ATXN1: variants seen among roughly 807,000 people sequenced by gnomAD.
The protein encoded by ATXN1 is ataxin-1.
A neutral mutation model predicts 56.4 loss-of-function variants in ATXN1; 8 were observed. That is an observed-to-expected ratio of 0.14 (90% CI 0.08 to 0.26). The LOEUF is 0.26. Among genes scored for constraint, ATXN1 ranks in the 10% least tolerant of loss-of-function variants. The probability of loss-of-function intolerance (pLI) is 1.00; values close to 1 mark genes in which losing one functional copy is unlikely to be tolerated. For synonymous variants in ATXN1, 514 were observed against 494.6 expected (o/e 1.04, Z -0.52); for missense variants, 987 against 1,106.5 (o/e 0.89, Z 1.53).
At chr6:16,661,115 A>C (rs1758311275) in intron 2 of ATXN1, among the ~76,000 whole-genome samples, 1 of 151,850 alleles carries the variant, frequency 6.6e-6, no homozygotes, top group South Asian at 2.1e-4. Context: ...GGGATTACAG[A>C]TGTGAGCCAC....
At chr6:16,462,102 C>A (rs970639604) in intron 6 of ATXN1, among the ~76,000 whole-genome samples, 1 of 152,210 alleles carries the variant, frequency 6.6e-6, no homozygotes, top group Non-Finnish European at 1.5e-5. Flanking sequence ...GACAAGGGAA[C>A]AGAGTTGTTC....
chr6:16,315,045 C>T lies in ATXN1; in HGVS notation c.1918-8186G>A, dbSNP rs186122670. Among the ~76,000 whole-genome samples, 325 of 152,286 alleles carry T rather than the reference C, an allele frequency of 2.1e-3. 2 individuals are homozygous for T. Among genetic ancestry groups the T allele is most frequent in the Middle Eastern group, 6.8e-3 (2 of 294 alleles). On this transcript the variant is annotated intron_variant, in intron 7 of 7. Transcript: ENST00000436367. ...GTATCTATTGGTTAAGACCTAGTTT[C>T]TTGCCTCCCACCAGGAGACAGAACA...
At chr6:16,562,140 G>A (rs188186620) in intron 4 of ATXN1, among the ~76,000 whole-genome samples, 7 of 152,158 alleles carry the variant, frequency 4.6e-5, no homozygotes, top group South Asian at 2.1e-4. Flanking sequence ...TTGGGAGGCC[G>A]AGGCAGGCGG....
At chr6:16,564,103 C>A (rs1762169887) in intron 4 of ATXN1, among the ~76,000 whole-genome samples, 1 of 152,192 alleles carries the variant, frequency 6.6e-6, no homozygotes, top group African/African-American at 2.4e-5. Flanking sequence ...GCTTAGCAGC[C>A]TCTCTAAACC....
At chr6:16,544,569 G>T (rs116165474) in intron 4 of ATXN1, among the ~76,000 whole-genome samples, 1 of 152,236 alleles carries the variant, frequency 6.6e-6, no homozygotes, top group Middle Eastern at 3.4e-3. Context: ...GGGATGCTGT[G>T]GGGTGCTTGC....
chr6:16,360,981 G>C (rs1297037336), intron 6 of ATXN1, among the ~76,000 whole-genome samples: 2 of 152,214 alleles, frequency 1.3e-5, no homozygotes, highest in Admixed American at 1.3e-4. Context: ...CTTATTCTAA[G>C]TAAATGACTC....
intron 6 of ATXN1, among the ~76,000 whole-genome samples, chr6:16,458,885 C>T (rs1759935083): frequency 6.6e-6 from 1 of 152,226 alleles, no homozygotes; most frequent in South Asian, 2.1e-4. Context: ...GTGCCTGGTG[C>T]AAGCACCAGC....
chr6:16,469,035 G>C (rs765253098), intron 6 of ATXN1, among the ~76,000 whole-genome samples: 3 of 152,228 alleles, frequency 2.0e-5, no homozygotes, highest in Admixed American at 2.0e-4. Flanking sequence ...GTGCAACAGA[G>C]CTGGCCCTTG....
chr6:16,419,412 C>G (rs11754283), intron 6 of ATXN1, among the ~76,000 whole-genome samples: 2 of 151,816 alleles, frequency 1.3e-5, no homozygotes, highest in African/African-American at 4.8e-5. Context: ...GCCTGGTAAT[C>G]ATATACTCTT....
At chr6:16,592,583 T>C (rs1762741625) in intron 3 of ATXN1, among the ~76,000 whole-genome samples, 1 of 152,070 alleles carries the variant, frequency 6.6e-6, no homozygotes, top group African/African-American at 2.4e-5. Context: ...GATTTTCTTT[T>C]CTCCACGCCC....
intron 6 of ATXN1, among the ~76,000 whole-genome samples, chr6:16,422,225 A>G (rs910358887): frequency 2.0e-5 from 3 of 152,084 alleles, no homozygotes; most frequent in African/African-American, 7.2e-5. Flanking sequence ...TCAGACACTC[A>G]AGTACTCCGG....
rs560362734 is a variant in ATXN1, at chr6:16,321,621, T to C, written c.1917+4773A>G. On this transcript the variant is annotated intron_variant, in intron 7 of 7. Coordinates refer to ENST00000436367, the MANE Select transcript of ATXN1 (RefSeq NM_001128164.2). ...CAAACACGGAAAAGCATTTTTCTCCTACATTGCCTCGTCTGGAGCGTCAGC... is the reference window on the plus strand; with the variant it reads ...CAAACACGGAAAAGCATTTTTCTCCCACATTGCCTCGTCTGGAGCGTCAGC... 4.6e-5 allele frequency among the ~76,000 whole-genome samples: 7 copies of C among 152,364 alleles called. No homozygotes were observed. The South Asian group carries it at 1.4e-3, about 32-fold the overall frequency.
chr6:16,346,400 G>A (rs1761388493), intron 6 of ATXN1, among the ~76,000 whole-genome samples: 1 of 152,190 alleles, frequency 6.6e-6, no homozygotes, highest in Non-Finnish European at 1.5e-5. Context: ...TAGGGGCTGG[G>A]AAGATGGGAA....
chr6:16,618,654 G>A (rs142770327), intron 3 of ATXN1, among the ~76,000 whole-genome samples: 2,386 of 151,674 alleles, frequency 0.016, 33 homozygotes, highest in Non-Finnish European at 0.022. Context: ...CCCGGGAGGC[G>A]GAGGTTGCAG....
At chr6:16,360,911 C>G (rs77226339) in intron 6 of ATXN1, among the ~76,000 whole-genome samples, 1,717 of 152,254 alleles carry the variant, frequency 0.011, 10 homozygotes, top group Middle Eastern at 0.024. Flanking sequence ...ACAGCCCTGT[C>G]CATTTGTAAG....
intron 2 of ATXN1, among the ~76,000 whole-genome samples, chr6:16,743,316 A>G (rs1485140948): frequency 1.3e-5 from 2 of 152,206 alleles, no homozygotes; most frequent in African/African-American, 2.4e-5. Flanking sequence ...CTTTCTCCTT[A>G]GCACAGGCTT....
chr6:16,622,566 C>A (rs969472074), intron 3 of ATXN1, among the ~76,000 whole-genome samples: 1 of 152,162 alleles, frequency 6.6e-6, no homozygotes. Flanking sequence ...TTAGTTATAT[C>A]CTTCAATCTA....
At chr6:16,542,157 T>C (rs1561747169) in intron 4 of ATXN1, among the ~76,000 whole-genome samples, 1 of 152,012 alleles carries the variant, frequency 6.6e-6, no homozygotes, top group Non-Finnish European at 1.5e-5. Context: ...TTTTCCCCAC[T>C]GCCTGAGTTG....
chr6:16,309,020 G>A (rs1760322864), intron 7 of ATXN1, among the ~76,000 whole-genome samples: 1 of 151,736 alleles, frequency 6.6e-6, no homozygotes. Context: ...TTGAGGCCAG[G>A]AGTTTCAGAC....
Sources: gnomAD v4.1 joint callset for allele counts (sites outside exome capture counted in the v4.1 genomes callset) on GRCh38, gnomAD v4.1.1 for gene constraint, MANE v1.5 for transcripts, NCBI Gene and HGNC (gene_info 2026-07-23, HGNC 2026-07-21) for gene names.